The following MEI4 variants were observed in gnomAD, a reference collection of about 807,000 sequenced individuals.
MEI4 encodes the protein meiotic double-stranded break formation protein 4.
Under a neutral mutation model 31.4 loss-of-function variants are expected in MEI4, and 27 were observed. That is an observed-to-expected ratio of 0.86 (90% CI 0.63 to 1.19). MEI4 has a LOEUF of 1.19. Ranked by LOEUF, MEI4 falls within the 50% of genes most tolerant of loss-of-function variation. The probability of loss-of-function intolerance (pLI) is 0.00; values close to 1 mark genes in which losing one functional copy is unlikely to be tolerated. For missense variants in MEI4, 329 were observed against 398.9 expected, an observed-to-expected ratio of 0.82 and a Z score of 1.49; for synonymous variants, 122 against 145.4, an observed-to-expected ratio of 0.84 and a Z score of 1.16.
In MEI4 at chr6:77,761,116, C is replaced by G; in HGVS notation, c.233-14C>G. On this transcript the variant is annotated splice_polypyrimidine_tract_variant and intron_variant, in intron 2 of 4. Transcript: ENST00000684080. ...GCTGCATGAAGATAATCCTTCTATT[C>G]CTTTATTTTTCAGGATACGTTTCCT... The G allele has an allele frequency of 8.1e-7, 1 of 1,231,150 alleles. No individual in the cohort carries two copies. The highest frequency in any genetic ancestry group is 3.2e-5 in the East Asian group (1 of 31,684). 76.3% of individuals were successfully genotyped at this position (1,231,150 alleles called of 1,614,324 possible). A position where few individuals can be genotyped will look rare whatever the true frequency, so the allele number is the denominator to read the frequency against.
At chr6:77,874,942 GA>G (rs1771296891) in intron 4 of MEI4, among the ~76,000 whole-genome samples, 4 of 152,154 alleles carry the variant, frequency 2.6e-5, no homozygotes, top group African/African-American at 7.2e-5. Flanking sequence ...AGAAAGGCAG[GA>G]AGTTTAAAAG....
At chr6:77,710,806 C>A (rs1191042407) in intron 2 of MEI4, among the ~76,000 whole-genome samples, 1 of 152,098 alleles carries the variant, frequency 6.6e-6, no homozygotes, top group African/African-American at 2.4e-5. Context: ...ATGATTCTTT[C>A]ATAGTCCTTA....
At chr6:77,764,372 G>T (rs538134290) in intron 3 of MEI4, among the ~76,000 whole-genome samples, 19 of 152,022 alleles carry the variant, frequency 1.2e-4, no homozygotes, top group South Asian at 6.3e-4. Flanking sequence ...CTAGCCAAGG[G>T]TTGTCAATTA....
chr6:77,697,176 G>C (rs1766071465), intron 2 of MEI4, among the ~76,000 whole-genome samples: 1 of 152,012 alleles, frequency 6.6e-6, no homozygotes, highest in Non-Finnish European at 1.5e-5. Context: ...TATTAGTGTT[G>C]CTAGCGGTCT....
intron 4 of MEI4, among the ~76,000 whole-genome samples, chr6:77,920,493 ATCAAAG>A (rs1766678377): frequency 6.6e-6 from 1 of 151,902 alleles, no homozygotes; most frequent in Non-Finnish European, 1.5e-5. Context: ...TCTTGAAGCC[ATCAAAG>A]TCATTCAATA....
chr6:77,805,033 GTGT>G (rs1253034824), intron 3 of MEI4, among the ~76,000 whole-genome samples: 2 of 152,124 alleles, frequency 1.3e-5, no homozygotes, highest in Admixed American at 6.6e-5. Context: ...ATTGAGAAGT[GTGT>G]TGTTTGGAAC....
chr6:77,688,483 T>C (rs1466324692), intron 1 of MEI4, among the ~76,000 whole-genome samples: 2 of 152,162 alleles, frequency 1.3e-5, no homozygotes, highest in East Asian at 3.8e-4. Flanking sequence ...TTCTGATAGC[T>C]GATATTCAGC....
At chr6:77,831,848 TA>T (rs1770091093) in intron 4 of MEI4, among the ~76,000 whole-genome samples, 1 of 151,998 alleles carries the variant, frequency 6.6e-6, no homozygotes, top group Admixed American at 6.6e-5. Context: ...GAATTTTAGA[TA>T]TAGTTAATTA....
At chr6:77,767,127 A>C (rs1582120452) in intron 3 of MEI4, among the ~76,000 whole-genome samples, 2 of 152,114 alleles carry the variant, frequency 1.3e-5, no homozygotes, top group East Asian at 3.9e-4. Context: ...CACACCTGTA[A>C]TCCCAGCACT....
chr6:77,730,047 G>T (rs566041481), intron 2 of MEI4, among the ~76,000 whole-genome samples: 76 of 152,052 alleles, frequency 5.0e-4, no homozygotes, highest in Non-Finnish European at 1.1e-3. Context: ...TCAGTGTCTT[G>T]GTGGCAAACA....
At chr6:77,801,199 C>A (rs1031350907) in intron 3 of MEI4, among the ~76,000 whole-genome samples, 2 of 152,182 alleles carry the variant, frequency 1.3e-5, no homozygotes, top group Non-Finnish European at 2.9e-5. Context: ...AGAGATTCAA[C>A]TTCTTCCTGG....
intron 4 of MEI4, among the ~76,000 whole-genome samples, chr6:77,878,130 G>A (rs914240471): frequency 3.3e-5 from 5 of 152,036 alleles, no homozygotes; most frequent in African/African-American, 9.7e-5. Flanking sequence ...ATCAGAGGTG[G>A]CATTGTGTTA....
chr6:77,694,413 TC>T (rs1310770080), intron 2 of MEI4, among the ~76,000 whole-genome samples: 4 of 149,450 alleles, frequency 2.7e-5, no homozygotes, highest in African/African-American at 5.0e-5. Flanking sequence ...CCCTCCCCCT[TC>T]CCCCCACCCC....
intron 3 of MEI4, among the ~76,000 whole-genome samples, chr6:77,798,713 G>C (rs1241578564): frequency 7.2e-6 from 1 of 139,574 alleles, no homozygotes; most frequent in Non-Finnish European, 1.5e-5. Flanking sequence ...TCATTGTTCA[G>C]TTCCCACCTA....
intron 3 of MEI4, among the ~76,000 whole-genome samples, chr6:77,797,927 C>T (rs1218488219): frequency 6.6e-6 from 1 of 152,076 alleles, no homozygotes; most frequent in African/African-American, 2.4e-5. Flanking sequence ...TAAGTTGACA[C>T]CTAGTATTAA....
chr6:77,744,813 T>C (rs922761636), intron 2 of MEI4, among the ~76,000 whole-genome samples: 2 of 152,174 alleles, frequency 1.3e-5, no homozygotes, highest in Non-Finnish European at 2.9e-5. Flanking sequence ...GGGGCCAATA[T>C]TCAACATTCT....
At chr6:77,713,679 A>G (rs1464046360) in intron 2 of MEI4, among the ~76,000 whole-genome samples, 1 of 152,204 alleles carries the variant, frequency 6.6e-6, no homozygotes, top group Non-Finnish European at 1.5e-5. Flanking sequence ...TGTGAGTTAC[A>G]TTAATGGAAC....
Position 77,761,383 on chromosome 6 carries a change from C to A in MEI4, c.486C>A (p.Asn162Lys). Residue 162 changes from asparagine (N) to lysine (K), a missense_variant, in exon 3 of 5, where the codon AAC becomes AAA. By Grantham distance (94) the Asn-to-Lys change is moderately conservative. Transcript: ENST00000684080. Reference protein sequence around the residue: ...QFLQYLLELKNLTESGNLKRD... With the variant: ...QFLQYLLELKKLTESGNLKRD... The stretch of plus-strand genomic sequence containing the variant: ...TGCAATATCTACTTGAATTAAAGAA[C>A]TTGACAGAATCAGGTAATCTTAAAA... The A allele has an allele frequency of 6.5e-6, 8 of 1,232,250 alleles. No individual in the cohort carries two copies. The highest frequency in any genetic ancestry group is 8.1e-6 in the Non-Finnish European group (8 of 987,970). The allele number at this position is 1,232,250 out of a possible 1,614,324, so 76.3% of individuals were successfully genotyped here.
At chr6:77,735,100 C>G (rs192489599) in intron 2 of MEI4, among the ~76,000 whole-genome samples, 1 of 151,962 alleles carries the variant, frequency 6.6e-6, no homozygotes, top group Non-Finnish European at 1.5e-5. Context: ...GGTGAACTGA[C>G]AATTATGTGT....
Sources: allele counts gnomAD v4.1 joint callset (sites outside exome capture counted in the v4.1 genomes callset), GRCh38; gene constraint gnomAD v4.1.1; transcripts MANE v1.5; gene names NCBI Gene and HGNC (gene_info 2026-07-23, HGNC 2026-07-21).